Variants in ARHGAP44 observed in about 807,000 individuals in gnomAD.
ARHGAP44 encodes the protein Rho GTPase activating protein 44, also known as rho GTPase-activating protein 44.
A neutral mutation model predicts 106.8 loss-of-function variants in ARHGAP44; 43 were observed. That is an observed-to-expected ratio of 0.40 (90% CI 0.32 to 0.52). ARHGAP44 has a LOEUF of 0.52. Among genes scored for constraint, ARHGAP44 ranks in the 20% least tolerant of loss-of-function variants. ARHGAP44 has a pLI of 0.48. For missense variants in ARHGAP44, 866 were observed against 1,050.5 expected, an observed-to-expected ratio of 0.82 and a Z score of 2.43; for synonymous variants, 439 against 410.3, an observed-to-expected ratio of 1.07 and a Z score of -0.85.
At chr17:12,969,318 C>G (rs2039469813) in intron 16 of ARHGAP44, among the ~76,000 whole-genome samples, 1 of 152,166 alleles carries the variant, frequency 6.6e-6, no homozygotes. Context: ...AAAAACAAGT[C>G]ATATGCGCTT....
intron 10 of ARHGAP44, 107 bp downstream of exon 10, chr17:12,944,303 A>C: frequency 7.2e-7 from 1 of 1,390,074 alleles, no homozygotes; most frequent in Non-Finnish European, 9.4e-7. Context: ...GCCCCCACGA[A>C]TCCAAATGGC....
chr17:12,970,297 T>C (rs1336098704), intron 16 of ARHGAP44, among the ~76,000 whole-genome samples: 5 of 147,534 alleles, frequency 3.4e-5, no homozygotes, highest in Non-Finnish European at 4.4e-5. Flanking sequence ...ACCCGAGAAG[T>C]TGGGGCTGCA....
chr17:12,952,725 T>C lies in ARHGAP44; in HGVS notation c.1136+144T>C, dbSNP rs1336488995. 1.5e-3 allele frequency: 101 copies of C among 67,896 alleles called. 1 individual carries two copies. In the East Asian group the frequency reaches 0.04, roughly 27 times the overall value. The allele number at this position is 67,896 out of a possible 1,614,324, so 4.2% of individuals were successfully genotyped here. On this transcript the variant is annotated intron_variant, in intron 13 of 20. Transcript: ENST00000379672. ...GTATTATTAACATGCATGGTCTCTT[T>C]TTTTTTTTTTTTTTTTTTTTTTTTT...
chr17:12,862,496 G>T (rs147856581), intron 1 of ARHGAP44, among the ~76,000 whole-genome samples: 64 of 152,266 alleles, frequency 4.2e-4, no homozygotes, highest in African/African-American at 1.5e-3. Context: ...CTGCATTGAT[G>T]ACCCACAGAC....
Position 12,845,517 on chromosome 17 carries a change from A to ACAAAAAC in ARHGAP44, c.54-49423_54-49422insCAAAAAC, listed in dbSNP as rs1555546590. ...GCAAGACTCCGTCTCAAAAAAAAAA[A>ACAAAAAC]AAAAACAAAAAAACAACTCTTTCTT... On this transcript the variant is annotated intron_variant, in intron 1 of 20. Coordinates refer to ENST00000379672, the MANE Select transcript of ARHGAP44 (RefSeq NM_014859.6). Among the ~76,000 whole-genome samples the ACAAAAAC allele has an allele frequency of 1.2e-4, 17 of 141,996 alleles. No homozygotes were observed. In the East Asian group the frequency reaches 2.3e-3, roughly 19 times the overall value. The allele number at this position is 141,996 out of a possible 152,430, so 93.2% of individuals were successfully genotyped here.
chr17:12,806,206 G>A (rs978333395), intron 1 of ARHGAP44, among the ~76,000 whole-genome samples: 8 of 152,086 alleles, frequency 5.3e-5, no homozygotes, highest in African/African-American at 1.4e-4. Flanking sequence ...TGCTCATGGC[G>A]TGATGAGAAA....
intron 1 of ARHGAP44, among the ~76,000 whole-genome samples, chr17:12,836,556 G>A (rs1322264349): frequency 6.6e-6 from 1 of 151,948 alleles, no homozygotes; most frequent in African/African-American, 2.4e-5. Flanking sequence ...GCTGAGGCAG[G>A]ACAATTGCTT....
intron 1 of ARHGAP44, among the ~76,000 whole-genome samples, chr17:12,840,868 G>T (rs144531328): frequency 6.6e-6 from 1 of 152,114 alleles, no homozygotes; most frequent in East Asian, 1.9e-4. Flanking sequence ...ACTGATGACC[G>T]CGATGTGAAC....
intron 1 of ARHGAP44, among the ~76,000 whole-genome samples, chr17:12,822,533 C>T: frequency 6.6e-6 from 1 of 152,122 alleles, no homozygotes; most frequent in Non-Finnish European, 1.5e-5. Context: ...TAAGGCCATA[C>T]TCTATTTAAT....
At chr17:12,855,785 G>A (rs1265397934) in intron 1 of ARHGAP44, among the ~76,000 whole-genome samples, 1 of 152,180 alleles carries the variant, frequency 6.6e-6, no homozygotes, top group Non-Finnish European at 1.5e-5. Context: ...CTTGTGTGAT[G>A]AAGTGTCTAG....
chr17:12,884,688 C>G (rs1387269372), intron 1 of ARHGAP44, among the ~76,000 whole-genome samples: 2 of 152,168 alleles, frequency 1.3e-5, no homozygotes, highest in Non-Finnish European at 2.9e-5. Context: ...TCTTTGCAGT[C>G]AAACCTTCCC....
In ARHGAP44 at chr17:12,966,906, C is replaced by T. The variant is rs544703705; in HGVS notation, c.1524-6396C>T. Among the ~76,000 whole-genome samples, 4 of 152,296 alleles carry T rather than the reference C, an allele frequency of 2.6e-5. No homozygotes were observed. The South Asian group carries it at 8.3e-4, about 32-fold the overall frequency. ...TCTTCAGAGGTCCGTTCTGCTAACC[C>T]CAGACAACTCAGCTAGAATGGTCCA... On this transcript the variant is annotated intron_variant, in intron 16 of 20. Transcript: ENST00000379672.
chr17:12,836,291 G>A (rs2035235528), intron 1 of ARHGAP44, among the ~76,000 whole-genome samples: 1 of 152,084 alleles, frequency 6.6e-6, no homozygotes, highest in South Asian at 2.1e-4. Flanking sequence ...CAAAAGAAAG[G>A]TGGAGTGTAT....
intron 1 of ARHGAP44, among the ~76,000 whole-genome samples, chr17:12,820,097 T>C (rs2034722289): frequency 6.6e-6 from 1 of 152,082 alleles, no homozygotes. Flanking sequence ...AGGAGTTAAT[T>C]TCATTTTTTT....
At chr17:12,827,765 A>T (rs145687076) in intron 1 of ARHGAP44, among the ~76,000 whole-genome samples, 26 of 152,206 alleles carry the variant, frequency 1.7e-4, no homozygotes, top group African/African-American at 2.2e-4. Flanking sequence ...ATTGATTTTT[A>T]AAAAAATTAG....
rs1388919968 is a variant in ARHGAP44 at position 12,887,837 on chromosome 17, T to G, written c.54-7103T>G. Among the ~76,000 whole-genome samples the G allele has an allele frequency of 2.0e-5, 3 of 152,142 alleles. No individual in the cohort carries two copies. The East Asian group carries it at 5.8e-4, about 29-fold the overall frequency. On this transcript the variant is annotated intron_variant, in intron 1 of 20. Coordinates refer to ENST00000379672, the MANE Select transcript of ARHGAP44 (RefSeq NM_014859.6). ...TATAGAGAATATTCAAATGATCTAT[T>G]TCATATTATGTGTATTGCAATCATT...
intron 1 of ARHGAP44, among the ~76,000 whole-genome samples, chr17:12,800,059 G>A (rs73288392): frequency 0.12 from 18,578 of 152,236 alleles, 1,512 homozygotes; most frequent in East Asian, 0.25. Flanking sequence ...AAGTAAGATA[G>A]TAAATATCAT....
intron 7 of ARHGAP44, among the ~76,000 whole-genome samples, chr17:12,934,199 G>A (rs530017606): frequency 3.9e-5 from 6 of 152,142 alleles, no homozygotes; most frequent in African/African-American, 1.4e-4. Flanking sequence ...TTCTCATTTA[G>A]CCTTGTCCTC....
chr17:12,789,833 G>T lies in ARHGAP44; in HGVS notation c.-6G>T, dbSNP rs1465869172. On this transcript the variant is annotated 5_prime_UTR_variant, in exon 1 of 21. Transcript: ENST00000379672. Reference sequence around the variant, plus strand: ...GCTCCCGGGCTAGCGCGGCAGCGGGGCCACGATGAAGAAGCAGTTCAATCG... The same window carrying T: ...GCTCCCGGGCTAGCGCGGCAGCGGGTCCACGATGAAGAAGCAGTTCAATCG... 1.3e-6 allele frequency: 2 copies of T among 1,508,438 alleles called. No individual in the cohort carries two copies. The highest frequency in any genetic ancestry group is 1.8e-6 in the Non-Finnish European group (2 of 1,130,684). 93.4% of individuals were successfully genotyped at this position (1,508,438 alleles called of 1,614,324 possible).
Sources: gnomAD v4.1 joint callset for allele counts (sites outside exome capture counted in the v4.1 genomes callset) on GRCh38, gnomAD v4.1.1 for gene constraint, MANE v1.5 for transcripts, NCBI Gene and HGNC (gene_info 2026-07-23, HGNC 2026-07-21) for gene names.